Variants in KCNMA1 observed in about 807,000 individuals in gnomAD.
The protein encoded by KCNMA1 is potassium calcium-activated channel subfamily M alpha 1.
Under a neutral mutation model 140.0 loss-of-function variants are expected in KCNMA1, and 29 were observed. The observed-to-expected ratio is 0.21, with a 90% confidence interval of 0.15 to 0.28. The LOEUF is 0.28. KCNMA1 is among the 10% of genes least tolerant of loss of function. The pLI is 1.00. For missense variants in KCNMA1, 880 were observed against 1,602.2 expected (o/e 0.55, Z 7.70); for synonymous variants, 612 against 611.9 (o/e 1.00, Z 0.00).
rs12569535 is a variant in KCNMA1 at position 77,418,451 on chromosome 10, A to G, written c.379-14428T>C. Among the ~76,000 whole-genome samples the G allele has an allele frequency of 3.4e-3, 515 of 152,262 alleles. 13 individuals are homozygous for G. The East Asian group carries it at 0.075, about 22-fold the overall frequency. On this transcript the variant is annotated intron_variant, in intron 1 of 27. Transcript: ENST00000286628. ...TGTCAGTGGGGGACTCTTTTGCCTAACATGGTTGAGGAATGTCTTAGAAAC... is the reference window on the plus strand; with the variant it reads ...TGTCAGTGGGGGACTCTTTTGCCTAGCATGGTTGAGGAATGTCTTAGAAAC...
chr10:76,963,755 C>T (rs1301298336), intron 20 of KCNMA1, among the ~76,000 whole-genome samples: 1 of 152,170 alleles, frequency 6.6e-6, no homozygotes, highest in South Asian at 2.1e-4. Context: ...TTTAAACAAG[C>T]AAATTAAATA....
intron 2 of KCNMA1, among the ~76,000 whole-genome samples, chr10:77,327,658 A>G (rs2084713084): frequency 6.6e-6 from 1 of 152,128 alleles, no homozygotes; most frequent in African/African-American, 2.4e-5. Context: ...CCTGACCAGT[A>G]TCAAATCTTA....
At chr10:77,003,277 G>A (rs952176741) in intron 18 of KCNMA1, among the ~76,000 whole-genome samples, 9 of 151,560 alleles carry the variant, frequency 5.9e-5, no homozygotes, top group Non-Finnish European at 8.8e-5. Context: ...TTCAATGGTG[G>A]TATATCATTC....
chr10:77,294,853 A>G (rs1293961593), intron 2 of KCNMA1, among the ~76,000 whole-genome samples: 4 of 152,256 alleles, frequency 2.6e-5, no homozygotes, highest in African/African-American at 9.6e-5. Flanking sequence ...CAGGAGGTGG[A>G]GGTTGCAGTC....
chr10:77,602,260 A>C (rs2082892024), intron 1 of KCNMA1, among the ~76,000 whole-genome samples: 1 of 152,188 alleles, frequency 6.6e-6, no homozygotes, highest in Admixed American at 6.5e-5. Context: ...TGTCTGTCAT[A>C]GAATAGGATA....
chr10:76,914,373 C>T (rs2051761849), intron 24 of KCNMA1: 2 of 531,302 alleles, frequency 3.8e-6, no homozygotes, highest in Admixed American at 7.0e-5. Context: ...CCAACATGGC[C>T]CTCAAAACCC....
downstream of KCNMA1, chr10:76,875,753 A>AG (rs11398145): frequency 0.058 from 8,829 of 152,656 alleles, 302 homozygotes; most frequent in South Asian, 0.16. Flanking sequence ...ATTATGTAAA[A>AG]AAGGCCTAGC....
chr10:77,572,755 CA>C lies in KCNMA1; in HGVS notation c.378+64509del, dbSNP rs113888169. ...TGGGCAACAGAGTGAGATCTTGTCT[CA>C]AAAAAAAAAAAAAATCAATAACATG... is the stretch of plus-strand genomic sequence containing the variant. On this transcript the variant is annotated intron_variant, in intron 1 of 27. Transcript: ENST00000286628. Among the ~76,000 whole-genome samples, 1,056 of 120,148 alleles carry C rather than the reference CA, an allele frequency of 8.8e-3. 11 individuals are homozygous for C. Among genetic ancestry groups the C allele is most frequent in the African/African-American group, 0.024 (756 of 31,582 alleles). The allele number at this position is 120,148 out of a possible 152,430, so 78.8% of individuals were successfully genotyped here.
chr10:77,130,726 A>G (rs549365452), intron 5 of KCNMA1, among the ~76,000 whole-genome samples: 1 of 152,294 alleles, frequency 6.6e-6, no homozygotes, highest in Admixed American at 6.5e-5. Flanking sequence ...GGAAGAGGAG[A>G]TTACAACACA....
intron 1 of KCNMA1, among the ~76,000 whole-genome samples, chr10:77,570,831 T>G (rs998686329): frequency 1.3e-5 from 2 of 151,762 alleles, no homozygotes; most frequent in Non-Finnish European, 2.9e-5. Context: ...CTCTGGAAGC[T>G]GAGGCAGGAG....
chr10:77,454,203 A>G (rs2097716415), intron 1 of KCNMA1, among the ~76,000 whole-genome samples: 1 of 152,184 alleles, frequency 6.6e-6, no homozygotes, highest in Non-Finnish European at 1.5e-5. Context: ...CCATAATGAA[A>G]AAATAGTCCA....
chr10:77,210,046 C>T (rs1041874590), intron 3 of KCNMA1, among the ~76,000 whole-genome samples: 27 of 152,100 alleles, frequency 1.8e-4, no homozygotes, highest in African/African-American at 6.0e-4. Context: ...GGAAGGGCTC[C>T]TCCCTGATGC....
intron 9 of KCNMA1, among the ~76,000 whole-genome samples, chr10:77,100,708 C>T (rs977781411): frequency 3.3e-5 from 5 of 152,146 alleles, no homozygotes; most frequent in Non-Finnish European, 4.4e-5. Context: ...TGACATGGTA[C>T]GAAGACAGAA....
chr10:77,508,436 C>T (rs558432478), intron 1 of KCNMA1, among the ~76,000 whole-genome samples: 3 of 151,214 alleles, frequency 2.0e-5, no homozygotes, highest in South Asian at 2.1e-4. Flanking sequence ...CTGCCTGCCT[C>T]GGCCTCCCAA....
chr10:77,253,811 C>A lies in KCNMA1; in HGVS notation c.541-2555G>T, dbSNP rs555332164. ...AAATGCTCCCTGGGGAGATGATCTGCCTCTCAGTATTAAGGTAACTGTGCA... is the reference window on the plus strand; with the variant it reads ...AAATGCTCCCTGGGGAGATGATCTGACTCTCAGTATTAAGGTAACTGTGCA... On this transcript the variant is annotated intron_variant, in intron 2 of 27. Coordinates refer to ENST00000286628, the MANE Select transcript of KCNMA1 (RefSeq NM_001161352.2). Among the ~76,000 whole-genome samples, 19 of 152,260 alleles carry A rather than the reference C, an allele frequency of 1.2e-4. No homozygotes were observed. The South Asian group carries it at 4.0e-3, about 32-fold the overall frequency.
At chr10:77,156,899 T>C (rs1269868751) in intron 5 of KCNMA1, among the ~76,000 whole-genome samples, 4 of 152,070 alleles carry the variant, frequency 2.6e-5, no homozygotes, top group Admixed American at 6.5e-5. Flanking sequence ...CCCCAAGCAA[T>C]CAACATTCCC....
intron 5 of KCNMA1, among the ~76,000 whole-genome samples, chr10:77,129,056 C>A (rs150413627): frequency 6.6e-6 from 1 of 152,212 alleles, no homozygotes; most frequent in African/African-American, 2.4e-5. Flanking sequence ...CCAGATTCAA[C>A]GGGTCTGGGA....
At chr10:77,337,426 A>G (rs79045421) in intron 2 of KCNMA1, among the ~76,000 whole-genome samples, 1 of 152,162 alleles carries the variant, frequency 6.6e-6, no homozygotes, top group Non-Finnish European at 1.5e-5. Context: ...CCAGACCTGC[A>G]TGGGCAACAT....
At chr10:77,521,998 A>G (rs1284778865) in intron 1 of KCNMA1, among the ~76,000 whole-genome samples, 1 of 152,102 alleles carries the variant, frequency 6.6e-6, no homozygotes, top group Admixed American at 6.5e-5. Flanking sequence ...CAACATGGCA[A>G]AACCTATCTC....
Sources: allele counts gnomAD v4.1 joint callset (sites outside exome capture counted in the v4.1 genomes callset), GRCh38; gene constraint gnomAD v4.1.1; transcripts MANE v1.5; gene names NCBI Gene and HGNC (gene_info 2026-07-23, HGNC 2026-07-21).